The following RPGRIP1L variants were observed in gnomAD, a reference collection of about 807,000 sequenced individuals.
RPGRIP1L encodes RPGRIP1 like.
Under a neutral mutation model 160.4 loss-of-function variants are expected in RPGRIP1L, and 131 were observed. The observed-to-expected ratio is 0.82, with a 90% confidence interval of 0.71 to 0.94. The LOEUF (loss-of-function observed/expected upper bound fraction) is 0.94. RPGRIP1L is among the 40% of genes least tolerant of loss of function. The pLI is 0.00. For missense variants in RPGRIP1L, 1,522 were observed against 1,535.8 expected (o/e 0.99, Z 0.15); for synonymous variants, 510 against 515.8 (o/e 0.99, Z 0.15).
intron 21 of RPGRIP1L, among the ~76,000 whole-genome samples, chr16:53,637,170 A>T (rs2151033566): frequency 6.6e-6 from 1 of 152,162 alleles, no homozygotes; most frequent in South Asian, 2.1e-4. Flanking sequence ...CTAAAATTAG[A>T]TGTTTTGACG....
rs116041137 is a variant in RPGRIP1L at position 53,646,581 on chromosome 16, T to C, written c.2305-578A>G. Among the ~76,000 whole-genome samples the C allele has an allele frequency of 8.5e-3, 1,289 of 152,272 alleles. 21 individuals are homozygous for C. Among genetic ancestry groups the C allele is most frequent in the African/African-American group, 0.03 (1,242 of 41,546 alleles). On this transcript the variant is annotated intron_variant, in intron 16 of 26. Transcript: ENST00000647211. ...GAGAGAGATGAACAAAAGGAGTTATTAGGTAGAGTTGGAAACTACTCTACG... is the reference window on the plus strand; with the variant it reads ...GAGAGAGATGAACAAAAGGAGTTATCAGGTAGAGTTGGAAACTACTCTACG...
intron 14 of RPGRIP1L, 119 bp from the exon 15 acceptor site, chr16:53,653,106 G>T: frequency 1.1e-6 from 1 of 910,100 alleles, no homozygotes; most frequent in South Asian, 1.5e-5. Context: ...TAAATTCTAT[G>T]ACTACACTGT....
At chr16:53,619,906 T>C (rs1269263715) in intron 23 of RPGRIP1L, among the ~76,000 whole-genome samples, 3 of 152,198 alleles carry the variant, frequency 2.0e-5, no homozygotes, top group Non-Finnish European at 2.9e-5. Flanking sequence ...TTTGGTGTCA[T>C]AGACATTATC....
intron 22 of RPGRIP1L, among the ~76,000 whole-genome samples, chr16:53,622,850 G>A (rs959470585): frequency 1.1e-4 from 14 of 130,608 alleles, no homozygotes; most frequent in Admixed American, 2.1e-4. Context: ...CACACAAATA[G>A]CCAGGCCTTG....
intron 6 of RPGRIP1L, among the ~76,000 whole-genome samples, chr16:53,682,431 T>C (rs1446376772): frequency 1.3e-5 from 2 of 152,182 alleles, no homozygotes. Context: ...TATGTACCCT[T>C]GTCTATCACT....
intron 24 of RPGRIP1L, among the ~76,000 whole-genome samples, chr16:53,612,492 T>C (rs1241699650): frequency 1.3e-5 from 2 of 150,580 alleles, no homozygotes; most frequent in Non-Finnish European, 1.5e-5. Context: ...AAATGGGATT[T>C]TTTTTTTTTT....
chr16:53,671,781 G>A (rs571277279), intron 8 of RPGRIP1L, among the ~76,000 whole-genome samples, 198 bp from the exon 9 acceptor site: 17 of 152,162 alleles, frequency 1.1e-4, no homozygotes, highest in African/African-American at 2.9e-4. Flanking sequence ...TTAAATAAAC[G>A]TGAAATTAAT....
chr16:53,645,722 A>G lies in RPGRIP1L; in HGVS notation c.2586T>C (p.Ser862=), dbSNP rs771569223. 9 of 1,613,940 alleles carry G rather than the reference A, an allele frequency of 5.6e-6. No homozygotes were observed. Among genetic ancestry groups the G allele is most frequent in the Non-Finnish European group, 5.9e-6 (7 of 1,180,004 alleles). The change falls in exon 17 of 27, where the codon AGT becomes AGC. Residue 862 remains serine, a synonymous_variant. Coordinates refer to ENST00000647211, the MANE Select transcript of RPGRIP1L (RefSeq NM_015272.5). ...TATCACTATCATCAAAAACATAAAA[A>G]CTCAGAGACTCTGACTTAAGGTATC... ...LDRYLKSESL[S]FYVFDDSDTQ...
intron 14 of RPGRIP1L, chr16:53,655,490 TGAAA>T (rs1489382916): frequency 3.3e-5 from 5 of 152,118 alleles, no homozygotes; most frequent in African/African-American, 1.2e-4. Context: ...GACGTGGACG[TGAAA>T]GAGAGACAAA....
At chr16:53,697,817 C>T (rs1030889496) in intron 2 of RPGRIP1L, among the ~76,000 whole-genome samples, 2 of 152,082 alleles carry the variant, frequency 1.3e-5, no homozygotes, top group Admixed American at 6.5e-5. Flanking sequence ...CTCTGCCTGG[C>T]CGCCCATCGT....
intron 14 of RPGRIP1L, chr16:53,653,408 G>A (rs531585151): frequency 4.3e-5 from 39 of 899,542 alleles, no homozygotes; most frequent in African/African-American, 1.1e-4. Context: ...TTTCTTCTTC[G>A]TGGGGTGATG....
At chr16:53,614,819 A>T (rs763668315) in intron 24 of RPGRIP1L, among the ~76,000 whole-genome samples, 3 of 152,226 alleles carry the variant, frequency 2.0e-5, no homozygotes, top group African/African-American at 4.8e-5. Context: ...TATGATTTTG[A>T]CATAAACTTA....
intron 3 of RPGRIP1L, 131 bp downstream of exon 3, chr16:53,696,020 A>G: frequency 4.5e-6 from 4 of 884,774 alleles, no homozygotes; most frequent in Non-Finnish European, 7.1e-6. Flanking sequence ...ATTTTTAAAA[A>G]TTGTACTTAT....
rs567005718 is a variant in RPGRIP1L, at chr16:53,660,849, C to T, written c.1244-1971G>A. Among the ~76,000 whole-genome samples, 29 of 148,142 alleles carry T rather than the reference C, an allele frequency of 2.0e-4. No homozygotes were observed. In the East Asian group the frequency reaches 4.2e-3, roughly 21 times the overall value. On this transcript the variant is annotated intron_variant, in intron 10 of 26. Transcript: ENST00000647211. ...CAGAGGTTGCTGTGAGCCGAGATTGCGCCACTGCACTCCAGCCTGGGCAAT... is the reference window on the plus strand; with the variant it reads ...CAGAGGTTGCTGTGAGCCGAGATTGTGCCACTGCACTCCAGCCTGGGCAAT...
chr16:53,671,395 G>T, intron 9 of RPGRIP1L, 115 bp downstream of exon 9: 2 of 701,354 alleles, frequency 2.9e-6, no homozygotes, highest in Non-Finnish European at 5.0e-6. Context: ...CATATTTCTT[G>T]CTATCATTTG....
intron 17 of RPGRIP1L, 43 bp downstream of exon 17, chr16:53,645,577 ATTTTG>A (rs1354776936): frequency 1.3e-6 from 2 of 1,563,974 alleles, no homozygotes; most frequent in East Asian, 4.5e-5. Context: ...CTAAGGTATA[ATTTTG>A]TTTTGTTTTT....
rs544164891 is a variant in RPGRIP1L, at chr16:53,695,450, T to G, written c.230+701A>C. On this transcript the variant is annotated intron_variant, in intron 3 of 26. Coordinates refer to ENST00000647211, the MANE Select transcript of RPGRIP1L (RefSeq NM_015272.5). Reference sequence around the variant, plus strand: ...ATTCTTCAATGGTTGTCTCACCTTTTCTTTGAACCTAGAACATAAATATGA... The same window carrying G: ...ATTCTTCAATGGTTGTCTCACCTTTGCTTTGAACCTAGAACATAAATATGA... 3 of 702,966 alleles carry G rather than the reference T, an allele frequency of 4.3e-6. No homozygotes were observed. The highest frequency in any genetic ancestry group is 1.7e-5 in the African/African-American group (1 of 57,368). The allele number at this position is 702,966 out of a possible 1,614,324, so 43.5% of individuals were successfully genotyped here.
intron 10 of RPGRIP1L, among the ~76,000 whole-genome samples, chr16:53,660,891 T>TAA (rs534819342): frequency 2.6e-5 from 3 of 117,032 alleles, no homozygotes; most frequent in Non-Finnish European, 1.8e-5. Flanking sequence ...AGACTACATC[T>TAA]AAAAAAAAAA....
intron 3 of RPGRIP1L, chr16:53,694,509 C>T (rs1174891122): frequency 6.7e-6 from 1 of 149,798 alleles, no homozygotes; most frequent in Non-Finnish European, 1.5e-5. Context: ...AAACTATTTA[C>T]TTTTTTGTTT....
Sources: gnomAD v4.1 joint callset for allele counts (sites outside exome capture counted in the v4.1 genomes callset) on GRCh38, gnomAD v4.1.1 for gene constraint, MANE v1.5 for transcripts, NCBI Gene and HGNC (gene_info 2026-07-23, HGNC 2026-07-21) for gene names.